The following PTER variants were observed in gnomAD, a reference collection of about 807,000 sequenced individuals.
The protein encoded by PTER is N-acetyltaurine hydrolase.
PTER carries 38 observed loss-of-function variants against 29.6 expected under a neutral mutation model. That is an observed-to-expected ratio of 1.28 (90% CI 0.99 to 1.68). The LOEUF (loss-of-function observed/expected upper bound fraction) is 1.68. PTER is among the 40% of genes most tolerant of loss of function. The pLI is 0.00. For missense variants in PTER, 482 were observed against 427.8 expected, an observed-to-expected ratio of 1.13 and a Z score of -1.12; for synonymous variants, 172 against 154.5, an observed-to-expected ratio of 1.11 and a Z score of -0.84.
chr10:16,475,450 T>A (rs1835224483), intron 1 of PTER, among the ~76,000 whole-genome samples: 1 of 152,166 alleles, frequency 6.6e-6, no homozygotes, highest in Non-Finnish European at 1.5e-5. Flanking sequence ...CTTCTCCATG[T>A]AGGAAGGTAG....
At chr10:16,441,785 T>A (rs1833858849) in intron 1 of PTER, among the ~76,000 whole-genome samples, 1 of 152,220 alleles carries the variant, frequency 6.6e-6, no homozygotes, top group African/African-American at 2.4e-5. Flanking sequence ...TAAATAGCCT[T>A]TTGCCAATGG....
At chr10:16,477,464 A>T (rs1250165508) in intron 1 of PTER, among the ~76,000 whole-genome samples, 1 of 152,196 alleles carries the variant, frequency 6.6e-6, no homozygotes, top group Non-Finnish European at 1.5e-5. Context: ...GGCGTGAGCT[A>T]CTGTGCCCAG....
At chr10:16,487,631 G>A (rs1239043425) in intron 3 of PTER, among the ~76,000 whole-genome samples, 4 of 152,168 alleles carry the variant, frequency 2.6e-5, no homozygotes, top group Non-Finnish European at 5.9e-5. Flanking sequence ...TATTTTAGAT[G>A]CATAGGGGAC....
In PTER at chr10:16,486,525, TG is replaced by T; in HGVS notation, c.608del (p.Gly203AspfsTer93). 1 of 1,614,066 alleles carries T rather than the reference TG, an allele frequency of 6.2e-7. No individual in the cohort carries two copies. The highest frequency in any genetic ancestry group is 8.5e-7 in the Non-Finnish European group (1 of 1,179,954). On this transcript the variant is annotated frameshift_variant, in exon 3 of 5. Transcript: ENST00000535784. LOFTEE classifies it high-confidence loss of function. ...TTGGTTGTCCTGTTATTATCCATCC[TG>T]GACGGAGCTCCAGGGCACCATTTCA... ...QLGCPVIIHP[G>X]RSSRAPFQII...
At chr10:16,503,603 G>T (rs190168967) in intron 3 of PTER, among the ~76,000 whole-genome samples, 2 of 151,162 alleles carry the variant, frequency 1.3e-5, no homozygotes, top group African/African-American at 2.4e-5. Flanking sequence ...ATGGGGTTTC[G>T]CCATGTTGGC....
chr10:16,518,940 T>C, the PTER span, among the ~76,000 whole-genome samples: 1 of 152,054 alleles, frequency 6.6e-6, no homozygotes, highest in Non-Finnish European at 1.5e-5. Flanking sequence ...TATAACTGTT[T>C]TACTGTTCTG....
intron 1 of PTER, among the ~76,000 whole-genome samples, chr10:16,456,003 A>C (rs1017904305): frequency 1.7e-4 from 26 of 152,276 alleles, no homozygotes; most frequent in African/African-American, 5.8e-4. Flanking sequence ...GCCAACAGAA[A>C]CTGAGACAGG....
At chr10:16,486,282 C>T in intron 2 of PTER, 70 bp from the exon 3 acceptor site, 1 of 1,368,140 alleles carries the variant, frequency 7.3e-7, no homozygotes, top group Non-Finnish European at 1.0e-6. Context: ...AATTCATTCA[C>T]ATACTGTGGT....
chr10:16,464,063 A>G (rs1040829836), intron 1 of PTER, among the ~76,000 whole-genome samples: 11 of 152,322 alleles, frequency 7.2e-5, no homozygotes, highest in African/African-American at 2.6e-4. Context: ...AGATTTAATT[A>G]AAGTGTGTAG....
At position 16,478,763 on chromosome 10, in the gene PTER, A is replaced by G. The variant is rs143062675; in HGVS notation, c.-48-5574A>G. Among the ~76,000 whole-genome samples the G allele has an allele frequency of 6.6e-5, 10 of 152,300 alleles. No homozygotes were observed. In the East Asian group the frequency reaches 1.9e-3, roughly 29 times the overall value. On this transcript the variant is annotated intron_variant, in intron 1 of 4. Coordinates refer to ENST00000535784, the MANE Select transcript of PTER (RefSeq NM_001261836.2). ...CCATCTGCTCAACCCTGGTGACTTG[A>G]GGTTGACTGGCCCAAGTTAAACTGA...
chr10:16,440,980 C>G (rs1331111121), intron 1 of PTER, among the ~76,000 whole-genome samples: 1 of 152,178 alleles, frequency 6.6e-6, no homozygotes, highest in African/African-American at 2.4e-5. Context: ...GAGGCTTGTC[C>G]TATGAATCAT....
intron 1 of PTER, among the ~76,000 whole-genome samples, chr10:16,452,194 T>TACACACACAC (rs375537112): frequency 0.16 from 23,796 of 146,156 alleles, 1,978 homozygotes; most frequent in South Asian, 0.24. Flanking sequence ...ACCAGTGGGA[T>TACACACACAC]ACACACACAC....
At chr10:16,468,879 G>A (rs1391308422) in intron 1 of PTER, among the ~76,000 whole-genome samples, 5 of 152,054 alleles carry the variant, frequency 3.3e-5, no homozygotes, top group African/African-American at 1.2e-4. Flanking sequence ...GGAGGCTGAG[G>A]TGGGAGGATC....
At chr10:16,508,684 G>T (rs1836691381) in intron 4 of PTER, among the ~76,000 whole-genome samples, 1 of 145,986 alleles carries the variant, frequency 6.8e-6, no homozygotes, top group Non-Finnish European at 1.5e-5. Flanking sequence ...ATATAAATCT[G>T]TGTATATATA....
intron 1 of PTER, among the ~76,000 whole-genome samples, chr10:16,444,004 C>A (rs1041223335): frequency 7.3e-6 from 1 of 136,862 alleles, no homozygotes; most frequent in Non-Finnish European, 1.6e-5. Flanking sequence ...AAAACTTTTT[C>A]TTTTTTTTTT....
intron 3 of PTER, among the ~76,000 whole-genome samples, chr10:16,501,842 C>T (rs2133494503): frequency 6.6e-6 from 1 of 152,190 alleles, no homozygotes; most frequent in South Asian, 2.1e-4. Flanking sequence ...TAATCAAGTC[C>T]CAGTTTCTCA....
At chr10:16,461,987 ATT>A (rs1329900704) in intron 1 of PTER, among the ~76,000 whole-genome samples, 4 of 137,712 alleles carry the variant, frequency 2.9e-5, no homozygotes, top group Non-Finnish European at 3.2e-5. Context: ...ATTTCCTAGG[ATT>A]TTTTTTTTTT....
intron 3 of PTER, among the ~76,000 whole-genome samples, chr10:16,489,742 C>A (rs1270299768): frequency 1.4e-5 from 2 of 143,860 alleles, no homozygotes; most frequent in Non-Finnish European, 2.9e-5. Flanking sequence ...GTGACAAACG[C>A]CATTCTACTT....
chr10:16,515,247 C>G (rs532740653), downstream of PTER, among the ~76,000 whole-genome samples: 1 of 151,038 alleles, frequency 6.6e-6, no homozygotes, highest in African/African-American at 2.4e-5. Flanking sequence ...AAGAAAAAGT[C>G]TTTTGATTTA....
Sources: allele counts gnomAD v4.1 joint callset (sites outside exome capture counted in the v4.1 genomes callset), GRCh38; gene constraint gnomAD v4.1.1; transcripts MANE v1.5; gene names NCBI Gene and HGNC (gene_info 2026-07-23, HGNC 2026-07-21).